MAP3K11: variants seen among roughly 807,000 people sequenced by gnomAD.
MAP3K11 encodes SH3 domain-containing proline-rich kinase.
A neutral mutation model predicts 84.9 loss-of-function variants in MAP3K11; 46 were observed. The ratio of observed to expected loss-of-function variants is 0.54; its 90% CI spans 0.43 to 0.69. MAP3K11 has a LOEUF of 0.69. Ranked by LOEUF, MAP3K11 falls within the 30% of genes least tolerant of loss-of-function variation. MAP3K11 has a pLI of 0.00. For missense variants in MAP3K11, 1,053 were observed against 1,198.3 expected, an observed-to-expected ratio of 0.88 and a Z score of 1.79; for synonymous variants, 527 against 514.7, an observed-to-expected ratio of 1.02 and a Z score of -0.32.
chr11:65,603,603 C>T (rs1229848737), intron 8 of MAP3K11, among the ~76,000 whole-genome samples: 1 of 152,190 alleles, frequency 6.6e-6, no homozygotes, highest in Non-Finnish European at 1.5e-5. Context: ...CTGTGAAGCC[C>T]CATTATTTGA....
chr11:65,599,815 C>T (rs765139619), intron 8 of MAP3K11, 47 bp from the exon 9 acceptor site: 57 of 1,569,736 alleles, frequency 3.6e-5, no homozygotes, highest in South Asian at 8.0e-5. Context: ...GTGCATATTC[C>T]GGGTGAGGGC....
chr11:65,599,797 T>C (rs1232590350), intron 8 of MAP3K11, 29 bp from the exon 9 acceptor site: 1 of 1,583,306 alleles, frequency 6.3e-7, no homozygotes, highest in Non-Finnish European at 8.5e-7. Context: ...CAGGTGAGGG[T>C]GTGGCTGGTG....
chr11:65,606,075 G>A lies in MAP3K11; in HGVS notation c.1610C>T (p.Pro537Leu), dbSNP rs777849778. Reference sequence around the variant, plus strand: ...GCCCCATGCCTGGCCTGGCTCTGCAGGCTCCACTGCAGGGGAAACCGATGA... The same window carrying A: ...GCCCCATGCCTGGCCTGGCTCTGCAAGCTCCACTGCAGGGGAAACCGATGA... ...FPRFRAIQLE[P>L]AEPGQAWGRQ... is the part of the protein sequence containing the mutation. The change falls in exon 7 of 10, where the codon CCT (proline) becomes CTT (leucine). Residue 537 changes from proline to leucine, a missense_variant. Transcript: ENST00000309100. The A allele has an allele frequency of 9.5e-6, 15 of 1,575,924 alleles. No homozygotes were observed. Among genetic ancestry groups the A allele is most frequent in the Admixed American group, 4.1e-5 (2 of 48,988 alleles).
In MAP3K11 at chr11:65,606,814, G is replaced by A. The variant is rs1397078554; in HGVS notation, c.1490-10C>T. On this transcript the variant is annotated splice_polypyrimidine_tract_variant and intron_variant, in intron 5 of 9. Transcript: ENST00000309100. ...ATGCGGTGCTTGAAGTCTGGGATTT[G>A]GGTTGGGGGGAGCAGGGTTCAGGTT... 6.4e-7 allele frequency: 1 copy of A among 1,569,556 alleles called. No homozygotes were observed. Among genetic ancestry groups the A allele is most frequent in the Non-Finnish European group, 8.7e-7 (1 of 1,144,726 alleles).
chr11:65,604,362 G>GC (rs1347269583), intron 8 of MAP3K11, among the ~76,000 whole-genome samples: 12 of 152,220 alleles, frequency 7.9e-5, no homozygotes, highest in African/African-American at 2.2e-4. Flanking sequence ...GGCCCATCTG[G>GC]CCTGGTACAA....
Position 65,598,523 on chromosome 11 carries a change from G to C in MAP3K11, c.2312C>G (p.Pro771Arg). 1 of 1,613,282 alleles carries C rather than the reference G, an allele frequency of 6.2e-7. No homozygotes were observed. Among genetic ancestry groups the C allele is most frequent in the South Asian group, 1.1e-5 (1 of 91,012 alleles). ...CCAGGGATCAATGCGGCTGCGAAGG[G>C]GCGAGGGCCGAGGTCGGCTGATGAG... is the stretch of plus-strand genomic sequence containing the variant. ...LGLISRPRPS[P>R]LRSRIDPWSF... Residue 771 changes from proline (P) to arginine (R), a missense_variant, in exon 10 of 10, where the codon CCC becomes CGC. Coordinates refer to ENST00000309100, the MANE Select transcript of MAP3K11 (RefSeq NM_002419.4).
At chr11:65,604,646 G>C (rs538226088) in intron 8 of MAP3K11, among the ~76,000 whole-genome samples, 10 of 152,304 alleles carry the variant, frequency 6.6e-5, no homozygotes, top group Admixed American at 3.3e-4. Flanking sequence ...AGAACTGCTT[G>C]GCACATAGAA....
intron 8 of MAP3K11, chr11:65,605,453 G>T: frequency 4.1e-6 from 1 of 243,754 alleles, no homozygotes; most frequent in Non-Finnish European, 7.8e-6. Context: ...TCTCCCTGGA[G>T]CCTGCTAAAG....
Position 65,599,592 on chromosome 11 carries a change from C to A in MAP3K11, c.2008G>T (p.Glu670Ter). 6.6e-7 allele frequency: 1 copy of A among 1,523,354 alleles called. No homozygotes were observed. 94.4% of individuals were successfully genotyped at this position (1,523,354 alleles called of 1,614,324 possible). A position where few individuals can be genotyped will look rare whatever the true frequency, so the allele number is the denominator to read the frequency against. ...GGTGTTGTCGGGGACTCCCCGCGCTCGCGTCCTGGGCCTCCCGGCGGCTGC... is the reference window on the plus strand; with the variant it reads ...GGTGTTGTCGGGGACTCCCCGCGCTAGCGTCCTGGGCCTCCCGGCGGCTGC... Reference protein sequence around the residue: ...DLQPPGGPGRERGESPTTPPT... With the variant: ...DLQPPGGPGR The change falls in exon 9 of 10, where the codon GAG (glutamate) becomes TAG (stop). Residue 670 changes from glutamate (E) to a stop codon, truncating the protein, a stop_gained. Coordinates refer to ENST00000309100, the MANE Select transcript of MAP3K11 (RefSeq NM_002419.4). LOFTEE classifies it high-confidence loss of function.
chr11:65,607,379 C>G lies in MAP3K11; in HGVS notation c.1380G>C (p.Leu460=), dbSNP rs753404750. The stretch of plus-strand genomic sequence containing the variant: ...GTCGCTCGCGGTCCACCTGCTGCAG[C>G]AGCAGCGTCAGCTCGCGCTCGAACA... ...LEVFERELTL[L]LQQVDRERPH... The change falls in exon 5 of 10, where the codon CTG becomes CTC. Residue 460 remains leucine (L), a synonymous_variant. Transcript: ENST00000309100. 1 of 1,495,826 alleles carries G rather than the reference C, an allele frequency of 6.7e-7. No homozygotes were observed. The highest frequency in any genetic ancestry group is 8.8e-7 in the Non-Finnish European group (1 of 1,130,022). 92.7% of individuals were successfully genotyped at this position (1,495,826 alleles called of 1,614,324 possible).
In MAP3K11 at chr11:65,606,001, C is replaced by G; in HGVS notation, c.1684G>C (p.Ala562Pro). 6.2e-7 allele frequency: 1 copy of G among 1,602,220 alleles called. No individual in the cohort carries two copies. Among genetic ancestry groups the G allele is most frequent in the Admixed American group, 1.7e-5 (1 of 57,734 alleles). ...GAACTGGGACCCCAAGCCCAGCATG[C>G]TCGCCGCTCTCCATTGCTTGAGTCC... Reference protein sequence around the residue: ...LEDSSNGERRACWAWGPSSPK... With the variant: ...LEDSSNGERRPCWAWGPSSPK... The change falls in exon 7 of 10, where the codon GCA (alanine) becomes CCA (proline). Residue 562 changes from alanine (A) to proline (P), a missense_variant. This residue lies in a region of MAP3K11 where 583 missense variants were observed against 566.6 expected (regional missense o/e 1.03). Transcript: ENST00000309100.
chr11:65,607,076 G>A lies in MAP3K11; in HGVS notation c.1489+194C>T, dbSNP rs548151677. ...CCCCACCCCTTCCCACTCCCAGACC[G>A]ACATGCAAATACTTCCGCCAGAACC... On this transcript the variant is annotated intron_variant, in intron 5 of 9. Transcript: ENST00000309100. 1.6e-4 allele frequency: 133 copies of A among 823,176 alleles called. No individual in the cohort carries two copies. The South Asian group carries it at 2.3e-3, about 14-fold the overall frequency. The allele number at this position is 823,176 out of a possible 1,614,324, so 51.0% of individuals were successfully genotyped here. A position where few individuals can be genotyped will look rare whatever the true frequency, so the allele number is the denominator to read the frequency against.
chr11:65,601,616 C>T (rs1452082033), intron 8 of MAP3K11, among the ~76,000 whole-genome samples: 1 of 151,398 alleles, frequency 6.6e-6, no homozygotes, highest in East Asian at 1.9e-4. Context: ...ATTAGCCAGG[C>T]GTGGTGGTGG....
At chr11:65,612,919 C>G (rs1854590314) in intron 1 of MAP3K11, 99 bp downstream of exon 1, 1 of 1,386,154 alleles carries the variant, frequency 7.2e-7, no homozygotes, top group African/African-American at 1.5e-5. Flanking sequence ...AGGGTGGGAG[C>G]TCCTACCTGC....
At chr11:65,606,905 G>A in intron 5 of MAP3K11, 101 bp from the exon 6 acceptor site, 2 of 730,346 alleles carry the variant, frequency 2.7e-6, no homozygotes, top group Admixed American at 2.8e-5. Flanking sequence ...GCCACATAGG[G>A]AGCGGCACGA....
Position 65,613,329 on chromosome 11 carries a change from A to G in MAP3K11, c.428T>C (p.Val143Ala), listed in dbSNP as rs1854601191. 2.5e-6 allele frequency: 4 copies of G among 1,613,118 alleles called. No individual in the cohort carries two copies. The highest frequency in any genetic ancestry group is 1.3e-5 in the African/African-American group (1 of 75,038). The change falls in exon 1 of 10, where the codon GTG (valine) becomes GCG (alanine). Residue 143 changes from valine (V) to alanine (A), a missense_variant. Coordinates refer to ENST00000309100, the MANE Select transcript of MAP3K11 (RefSeq NM_002419.4). ...RGSWRGELVA[V>A]KAARQDPDED... ...ATCGGGGTCCTGGCGAGCTGCCTTC[A>G]CAGCCACCAGCTCACCTCGCCAGCT...
rs749524493 is a variant in MAP3K11 at position 65,608,249 on chromosome 11, GC to G, written c.920+18del. The G allele has an allele frequency of 1.2e-6, 2 of 1,610,366 alleles. No homozygotes were observed. Among genetic ancestry groups the G allele is most frequent in the African/African-American group, 2.7e-5 (2 of 74,828 alleles). On this transcript the variant is annotated intron_variant, in intron 2 of 9. Transcript: ENST00000309100. Reference sequence around the variant, plus strand: ...CTGCAGCCCCGTAGCAGCCCGTCCAGCCCCACCAAGGGCCGCACCTCCAGAC... The same window carrying G: ...CTGCAGCCCCGTAGCAGCCCGTCCAGCCCACCAAGGGCCGCACCTCCAGAC...
chr11:65,599,586 C>T lies in MAP3K11; in HGVS notation c.2014G>A (p.Gly672Arg), dbSNP rs751442598. 32 of 1,517,880 alleles carry T rather than the reference C, an allele frequency of 2.1e-5. No individual in the cohort carries two copies. The highest frequency in any genetic ancestry group is 1.0e-4 in the African/African-American group (7 of 68,642). 94.0% of individuals were successfully genotyped at this position (1,517,880 alleles called of 1,614,324 possible). A position where few individuals can be genotyped will look rare whatever the true frequency, so the allele number is the denominator to read the frequency against. Residue 672 changes from glycine to arginine, a missense_variant, in exon 9 of 10, where the codon GGG (glycine) becomes AGG (arginine). Physicochemically the swap from Gly to Arg is moderately radical, Grantham distance 125. Around this residue, in one of 3 missense-constraint regions of MAP3K11, gnomAD observed 583 missense variants for 566.6 expected, o/e 1.03. Coordinates refer to ENST00000309100, the MANE Select transcript of MAP3K11 (RefSeq NM_002419.4). ...GTGGGGGGTGTTGTCGGGGACTCCC[C>T]GCGCTCGCGTCCTGGGCCTCCCGGC... is the stretch of plus-strand genomic sequence containing the variant. Reference protein sequence around the residue: ...QPPGGPGRERGESPTTPPTPT... With the variant: ...QPPGGPGRERRESPTTPPTPT...
chr11:65,600,430 G>C (rs1445393006), intron 8 of MAP3K11, among the ~76,000 whole-genome samples: 1 of 152,228 alleles, frequency 6.6e-6, no homozygotes, highest in Non-Finnish European at 1.5e-5. Flanking sequence ...ATGCCCCAGG[G>C]GTTCCAGGCT....
Sources: gnomAD v4.1 joint callset for allele counts (sites outside exome capture counted in the v4.1 genomes callset) on GRCh38, gnomAD v4.1.1 for gene constraint, gnomAD v4.1.1 regional missense constraint, MANE v1.5 for transcripts, NCBI Gene and HGNC (gene_info 2026-07-23, HGNC 2026-07-21) for gene names.